SYDE2: variants seen among roughly 807,000 people sequenced by gnomAD.
SYDE2 encodes rho GTPase-activating protein SYDE2.
SYDE2 carries 76 observed loss-of-function variants against 91.5 expected under a neutral mutation model. The observed-to-expected ratio is 0.83, with a 90% confidence interval of 0.69 to 1.01. The LOEUF (loss-of-function observed/expected upper bound fraction) is 1.01, where lower values mean the gene tolerates loss of function less well. SYDE2 is among the 50% of genes least tolerant of loss of function. The pLI, the probability that SYDE2 is intolerant of heterozygous loss-of-function variation, is 0.00. For synonymous variants in SYDE2, 513 were observed against 506.4 expected, an observed-to-expected ratio of 1.01 and a Z score of -0.18; for missense variants, 1,364 against 1,367.7, an observed-to-expected ratio of 1.00 and a Z score of 0.04.
At chr1:85,178,680 G>T (rs1657803577) in intron 3 of SYDE2, among the ~76,000 whole-genome samples, 1 of 152,002 alleles carries the variant, frequency 6.6e-6, no homozygotes, top group Non-Finnish European at 1.5e-5. Flanking sequence ...TCATGAATTT[G>T]GGCAAGTTAT....
chr1:85,179,436 T>C (rs376888575), intron 3 of SYDE2, among the ~76,000 whole-genome samples: 1 of 152,158 alleles, frequency 6.6e-6, no homozygotes, highest in South Asian at 2.1e-4. Context: ...GGAAATATTA[T>C]CTAAAATATT....
intron 1 of SYDE2, among the ~76,000 whole-genome samples, chr1:85,191,823 T>C (rs188095683): frequency 1.7e-3 from 259 of 152,144 alleles, no homozygotes; most frequent in Non-Finnish European, 3.3e-3. Flanking sequence ...ATGCACATCT[T>C]AATATAAGTA....
rs1656965801 is a variant in SYDE2 at position 85,159,003 on chromosome 1, T to G, written c.3332A>C (p.Asp1111Ala). The G allele has an allele frequency of 1.3e-6, 1 of 780,724 alleles. No individual in the cohort carries two copies. The highest frequency in any genetic ancestry group is 1.7e-5 in the Admixed American group (1 of 58,996). 48.4% of individuals were successfully genotyped at this position (780,724 alleles called of 1,614,324 possible). A position where few individuals can be genotyped will look rare whatever the true frequency, so the allele number is the denominator to read the frequency against. ...ATCTTCTGAAGGGACATCATCATAA[T>G]CCACATCATTTAAATTTTCTTTTGT... is the stretch of plus-strand genomic sequence containing the variant. ...LNTKENLNDV[D>A]YDDVPSEDRK... Residue 1111 changes from aspartate (D) to alanine (A), a missense_variant, in exon 7 of 7, where the codon GAT (aspartate) becomes GCT (alanine). Transcript: ENST00000341460.
At chr1:85,159,589 A>G (rs1656986731) in intron 6 of SYDE2, among the ~76,000 whole-genome samples, 1 of 152,236 alleles carries the variant, frequency 6.6e-6, no homozygotes, top group Admixed American at 6.5e-5. Context: ...TCCTAAATTA[A>G]AAGCTACAGC....
intron 1 of SYDE2, among the ~76,000 whole-genome samples, chr1:85,198,131 C>A (rs550924853): frequency 2.4e-3 from 363 of 152,226 alleles, no homozygotes; most frequent in Non-Finnish European, 4.6e-3. Flanking sequence ...AGTCTCTGAT[C>A]TTATGTAAAC....
chr1:85,177,243 T>C (rs12087427), intron 4 of SYDE2, among the ~76,000 whole-genome samples: 5,083 of 152,238 alleles, frequency 0.033, 303 homozygotes, highest in African/African-American at 0.12. Flanking sequence ...TCCACTCTTA[T>C]CTTTCAGGGG....
intron 6 of SYDE2, among the ~76,000 whole-genome samples, chr1:85,162,016 T>G (rs1180924126): frequency 6.6e-6 from 1 of 152,186 alleles, no homozygotes; most frequent in African/African-American, 2.4e-5. Flanking sequence ...TAGAGCTTAG[T>G]AGAAGACAAT....
intron 4 of SYDE2, among the ~76,000 whole-genome samples, chr1:85,173,413 C>T (rs937281796): frequency 6.6e-6 from 1 of 152,114 alleles, no homozygotes; most frequent in Admixed American, 6.5e-5. Context: ...TTCCAGCCTC[C>T]AGAACTGTGA....
chr1:85,191,769 A>AAG (rs1658378597), intron 1 of SYDE2, among the ~76,000 whole-genome samples: 1 of 151,804 alleles, frequency 6.6e-6, no homozygotes, highest in Admixed American at 6.6e-5. Context: ...AAAAAAAAAA[A>AAG]AAAAAATTAA....
chr1:85,182,241 A>T lies in SYDE2; in HGVS notation c.2401T>A (p.Ser801Thr). ...KVTLMEQWEN[S>T]LHGLDINQEP... ...TGGTTTATATCTAGTCCATGAAGAG[A>T]ATTCTCCCACTGTTCCATAAGAGTC... is the stretch of plus-strand genomic sequence containing the variant. The change falls in exon 3 of 7, where the codon TCT (serine) becomes ACT (threonine). Residue 801 changes from serine to threonine, a missense_variant. By Grantham distance (58) the Ser-to-Thr change is moderately conservative (BLOSUM62 1). Transcript: ENST00000341460. The T allele has an allele frequency of 6.2e-7, 1 of 1,610,340 alleles. No individual in the cohort carries two copies. The highest frequency in any genetic ancestry group is 8.5e-7 in the Non-Finnish European group (1 of 1,178,860).
At chr1:85,194,680 G>A (rs1658510769) in intron 1 of SYDE2, 4 of 251,054 alleles carry the variant, frequency 1.6e-5, no homozygotes, top group Non-Finnish European at 1.9e-5. Flanking sequence ...AGAAAGAAAT[G>A]GCAATTAAAA....
At chr1:85,165,514 G>T (rs925677219) in intron 5 of SYDE2, among the ~76,000 whole-genome samples, 4 of 151,830 alleles carry the variant, frequency 2.6e-5, no homozygotes, top group Non-Finnish European at 5.9e-5. Context: ...ACATGGCCAG[G>T]TTCTATAATG....
intron 1 of SYDE2, among the ~76,000 whole-genome samples, chr1:85,198,148 T>C (rs1658667544): frequency 6.6e-6 from 1 of 152,140 alleles, no homozygotes; most frequent in African/African-American, 2.4e-5. Flanking sequence ...AAACAGGGGC[T>C]TTTTTCAAAC....
intron 1 of SYDE2, 73 bp downstream of exon 1, chr1:85,200,179 C>T: frequency 6.2e-7 from 1 of 1,603,044 alleles, no homozygotes; most frequent in Non-Finnish European, 8.5e-7. Flanking sequence ...TTTTTCTTGG[C>T]TCTTAAGACA....
chr1:85,200,545 C>G lies in SYDE2; in HGVS notation c.452G>C (p.Gly151Ala). The G allele has an allele frequency of 6.2e-7, 1 of 1,611,178 alleles. No individual in the cohort carries two copies. ...GLQPPGCKDH[G>A]CSSGSPFRDP... is the part of the protein sequence containing the mutation. ...CCTGAAAGGGCTTCCCGAGGAGCAGCCGTGGTCCTTGCAGCCTGGAGGCTG... is the reference window on the plus strand; with the variant it reads ...CCTGAAAGGGCTTCCCGAGGAGCAGGCGTGGTCCTTGCAGCCTGGAGGCTG... The change falls in exon 1 of 7, where the codon GGC (glycine) becomes GCC (alanine). Residue 151 changes from glycine to alanine, a missense_variant. Physicochemically the swap from Gly to Ala is moderately conservative, Grantham distance 60. Transcript: ENST00000341460.
chr1:85,194,261 A>G (rs922050224), intron 1 of SYDE2, among the ~76,000 whole-genome samples: 16 of 151,190 alleles, frequency 1.1e-4, no homozygotes, highest in Non-Finnish European at 1.9e-4. Context: ...TTAATGCAAC[A>G]ATGTTTAACC....
Position 85,159,108 on chromosome 1 carries a change from C to T in SYDE2, c.3227G>A (p.Arg1076Lys). Residue 1076 changes from arginine (R) to lysine (K), a missense_variant, in exon 7 of 7, where the codon AGG becomes AAG. By Grantham distance (26) the Arg-to-Lys change is conservative. Transcript: ENST00000341460. ...GTDSSGVLRPRQNRLDSPLSN... is the reference protein window; with the variant it reads ...GTDSSGVLRPKQNRLDSPLSN... ...AAGTGGACTGTCTAATCGGTTTTGC[C>T]TTGGCCTAAGTACTCCTGATGAATC... is the stretch of plus-strand genomic sequence containing the variant. 1.3e-6 allele frequency: 1 copy of T among 780,834 alleles called. No homozygotes were observed. Among genetic ancestry groups the T allele is most frequent in the Non-Finnish European group, 2.4e-6 (1 of 417,968 alleles). The allele number at this position is 780,834 out of a possible 1,614,324, so 48.4% of individuals were successfully genotyped here. A position where few individuals can be genotyped will look rare whatever the true frequency, so the allele number is the denominator to read the frequency against.
chr1:85,182,374 A>G lies in SYDE2; in HGVS notation c.2268T>C (p.Asn756=). ...VFSWEPTPRK[N]RVCCHGTVVL... ...CAACAGTTCCATGACAACAAACTCG[A>G]TTTTTTCTTGGAGTGGGTTCCCAAC... The change falls in exon 3 of 7, where the codon AAT becomes AAC. Residue 756 remains asparagine (N), a synonymous_variant. Coordinates refer to ENST00000341460, the MANE Select transcript of SYDE2 (RefSeq NM_032184.2). 1.2e-6 allele frequency: 2 copies of G among 1,613,766 alleles called. No homozygotes were observed. Among genetic ancestry groups the G allele is most frequent in the Non-Finnish European group, 8.5e-7 (1 of 1,179,830 alleles).
chr1:85,189,973 A>G, intron 2 of SYDE2, 84 bp downstream of exon 2: 1 of 1,081,914 alleles, frequency 9.2e-7, no homozygotes, highest in African/African-American at 1.6e-5. Context: ...AATATAACAA[A>G]CATCTTTTAT....
Sources: allele counts gnomAD v4.1 joint callset (sites outside exome capture counted in the v4.1 genomes callset), GRCh38; gene constraint gnomAD v4.1.1; transcripts MANE v1.5; gene names NCBI Gene and HGNC (gene_info 2026-07-23, HGNC 2026-07-21).